GABBR2: variants seen among roughly 807,000 people sequenced by gnomAD.
The protein encoded by GABBR2 is G-protein coupled receptor 51.
Under a neutral mutation model 105.6 loss-of-function variants are expected in GABBR2, and 23 were observed. The observed-to-expected ratio is 0.22, with a 90% CI of 0.16 to 0.31. The LOEUF is 0.31. Ranked by LOEUF, GABBR2 falls within the 10% of genes least tolerant of loss-of-function variation. The probability of loss-of-function intolerance (pLI) is 1.00; values close to 1 mark genes in which losing one functional copy is unlikely to be tolerated. For synonymous variants in GABBR2, 478 were observed against 499.7 expected (o/e 0.96, Z 0.58); for missense variants, 734 against 1,245.5 (o/e 0.59, Z 6.18).
chr9:98,515,107 C>G (rs1043984857), intron 3 of GABBR2, among the ~76,000 whole-genome samples: 1 of 152,126 alleles, frequency 6.6e-6, no homozygotes, highest in African/African-American at 2.4e-5. Flanking sequence ...GGACTGAGCT[C>G]CCCGCCATGA....
At chr9:98,404,643 C>G (rs1354182399) in intron 8 of GABBR2, among the ~76,000 whole-genome samples, 4 of 152,086 alleles carry the variant, frequency 2.6e-5, no homozygotes, top group African/African-American at 9.7e-5. Flanking sequence ...AATGGCTGTA[C>G]TGGTCTGCCT....
chr9:98,664,083 G>A (rs1173219159), intron 1 of GABBR2, among the ~76,000 whole-genome samples: 1 of 152,146 alleles, frequency 6.6e-6, no homozygotes, highest in African/African-American at 2.4e-5. Flanking sequence ...GATTGGAAAG[G>A]CCATGTCTGG....
At chr9:98,646,645 T>C (rs1830031669) in intron 1 of GABBR2, among the ~76,000 whole-genome samples, 1 of 152,148 alleles carries the variant, frequency 6.6e-6, no homozygotes, top group South Asian at 2.1e-4. Context: ...TGAAAGAACA[T>C]CATAGGAAGT....
chr9:98,335,860 G>A (rs10985895), intron 13 of GABBR2, among the ~76,000 whole-genome samples: 24 of 152,088 alleles, frequency 1.6e-4, no homozygotes, highest in Non-Finnish European at 2.6e-4. Flanking sequence ...ATTCATGCAC[G>A]CATTCCTTTG....
intron 1 of GABBR2, among the ~76,000 whole-genome samples, chr9:98,661,950 C>T (rs969141394): frequency 6.6e-6 from 1 of 152,092 alleles, no homozygotes; most frequent in African/African-American, 2.4e-5. Flanking sequence ...GAGAATTGGT[C>T]GAGGCTCCTA....
intron 16 of GABBR2, 97 bp from the exon 17 acceptor site, chr9:98,299,450 C>T: frequency 7.3e-7 from 1 of 1,367,124 alleles, no homozygotes; most frequent in South Asian, 1.2e-5. Context: ...TGGGCCTTTA[C>T]CTGTATTCAG....
intron 7 of GABBR2, among the ~76,000 whole-genome samples, chr9:98,437,640 G>C (rs1825949899): frequency 1.4e-5 from 2 of 138,912 alleles, no homozygotes; most frequent in Admixed American, 7.2e-5. Flanking sequence ...CCATCTTCCT[G>C]TTAATCCATC....
At chr9:98,645,692 A>G (rs998853359) in intron 1 of GABBR2, among the ~76,000 whole-genome samples, 6 of 152,176 alleles carry the variant, frequency 3.9e-5, no homozygotes, top group Admixed American at 3.9e-4. Context: ...ACTTCTAATT[A>G]ACAGGAGTAC....
intron 7 of GABBR2, among the ~76,000 whole-genome samples, chr9:98,447,531 G>GTA (rs1187487204): frequency 2.7e-4 from 24 of 89,362 alleles, no homozygotes; most frequent in African/African-American, 8.8e-4. Context: ...TATGTAACTA[G>GTA]TATGTATGTG....
chr9:98,414,201 CAGGA>C (rs909209835), intron 7 of GABBR2, among the ~76,000 whole-genome samples: 3 of 152,194 alleles, frequency 2.0e-5, no homozygotes, highest in Non-Finnish European at 2.9e-5. Context: ...GAGAAAACTA[CAGGA>C]AGACCCTAAT....
intron 7 of GABBR2, among the ~76,000 whole-genome samples, chr9:98,453,229 T>C (rs968989461): frequency 6.6e-6 from 1 of 152,238 alleles, no homozygotes; most frequent in Non-Finnish European, 1.5e-5. Context: ...TTTCACCATG[T>C]TGGTCAGGCT....
chr9:98,674,267 C>T (rs1315736274), intron 1 of GABBR2, among the ~76,000 whole-genome samples: 8 of 152,210 alleles, frequency 5.3e-5, no homozygotes, highest in Non-Finnish European at 1.5e-5. Flanking sequence ...AGTGACTTCA[C>T]TAAATCCATC....
chr9:98,612,890 A>G (rs1829525111), intron 1 of GABBR2, among the ~76,000 whole-genome samples: 1 of 152,112 alleles, frequency 6.6e-6, no homozygotes, highest in Admixed American at 6.5e-5. Context: ...TGCAAAAGAG[A>G]ACTATAGTCA....
intron 11 of GABBR2, among the ~76,000 whole-genome samples, chr9:98,377,609 G>T (rs1355016201): frequency 6.6e-6 from 1 of 152,198 alleles, no homozygotes; most frequent in Admixed American, 6.5e-5. Context: ...GCCTGGGAAT[G>T]TTATCATATG....
chr9:98,407,950 G>A (rs560665943), intron 7 of GABBR2, among the ~76,000 whole-genome samples: 2 of 152,224 alleles, frequency 1.3e-5, no homozygotes, highest in African/African-American at 2.4e-5. Flanking sequence ...AATTTCTCAG[G>A]TGGTACAGTG....
At chr9:98,605,125 A>G (rs1031954657) in intron 1 of GABBR2, among the ~76,000 whole-genome samples, 1 of 152,244 alleles carries the variant, frequency 6.6e-6, no homozygotes, top group African/African-American at 2.4e-5. Flanking sequence ...TGTGCCCATG[A>G]GACGAAACCA....
chr9:98,626,041 C>T (rs924332585), intron 1 of GABBR2, among the ~76,000 whole-genome samples: 13 of 152,216 alleles, frequency 8.5e-5, no homozygotes, highest in Non-Finnish European at 1.5e-4. Flanking sequence ...GAGGGGAGAG[C>T]TCCCTGACCG....
At chr9:98,349,349 GTTTTTTTTT>G (rs1182072320) in intron 13 of GABBR2, among the ~76,000 whole-genome samples, 1 of 24,216 alleles carries the variant, frequency 4.1e-5, no homozygotes, top group African/African-American at 1.5e-4. Flanking sequence ...TTGAAGTTTT[GTTTTTTTTT>G]TTTTTTTTTT....
At chr9:98,625,945 C>T (rs1186639127) in intron 1 of GABBR2, among the ~76,000 whole-genome samples, 1 of 151,620 alleles carries the variant, frequency 6.6e-6, no homozygotes, top group Non-Finnish European at 1.5e-5. Flanking sequence ...CCTTCAAAGC[C>T]TGACGTACCT....
Sources: allele counts gnomAD v4.1 joint callset (sites outside exome capture counted in the v4.1 genomes callset), GRCh38; gene constraint gnomAD v4.1.1; transcripts MANE v1.5; gene names NCBI Gene and HGNC (gene_info 2026-07-23, HGNC 2026-07-21).